KLHL1: variants seen among roughly 807,000 people sequenced by gnomAD.
The protein encoded by KLHL1 is kelch like family member 1.
In KLHL1, 47 loss-of-function variants were observed where a neutral mutation model predicts 77.7. That is an observed-to-expected ratio of 0.60 (90% confidence interval 0.48 to 0.77). KLHL1 has a LOEUF of 0.77. Ranked by LOEUF, KLHL1 falls within the 30% of genes least tolerant of loss-of-function variation. KLHL1 has a pLI of 0.00. For missense variants in KLHL1, 925 were observed against 910.8 expected (o/e 1.02, Z -0.20); for synonymous variants, 360 against 325.2 (o/e 1.11, Z -1.15).
chr13:69,717,113 T>C (rs535569804), intron 9 of KLHL1, among the ~76,000 whole-genome samples: 1 of 152,178 alleles, frequency 6.6e-6, no homozygotes, highest in African/African-American at 2.4e-5. Context: ...AAACATTATA[T>C]AACTGTATTT....
chr13:69,923,881 C>A (rs912513179), intron 4 of KLHL1, among the ~76,000 whole-genome samples: 1 of 152,176 alleles, frequency 6.6e-6, no homozygotes, highest in Non-Finnish European at 1.5e-5. Flanking sequence ...TGGGCCCAGG[C>A]ATCTCTGCAC....
In KLHL1 at chr13:70,030,166, T is replaced by C. The variant is rs1171375349; in HGVS notation, c.498-54364A>G. Among the ~76,000 whole-genome samples, 39 of 152,162 alleles carry C rather than the reference T, an allele frequency of 2.6e-4. No homozygotes were observed. In the East Asian group the frequency reaches 7.5e-3, roughly 29 times the overall value. On this transcript the variant is annotated intron_variant, in intron 1 of 10. Transcript: ENST00000377844. Reference sequence around the variant, plus strand: ...AATGGGAGACTTTAACACCCCACTGTCAACATTAGACAGATCAACGAGACA... The same window carrying C: ...AATGGGAGACTTTAACACCCCACTGCCAACATTAGACAGATCAACGAGACA...
intron 1 of KLHL1, among the ~76,000 whole-genome samples, chr13:70,030,729 G>T (rs1246738137): frequency 6.6e-6 from 1 of 152,046 alleles, no homozygotes; most frequent in Non-Finnish European, 1.5e-5. Flanking sequence ...CAGAAGGCAA[G>T]AAATAACTAA....
intron 1 of KLHL1, among the ~76,000 whole-genome samples, chr13:69,999,125 T>C (rs1885226192): frequency 6.6e-6 from 1 of 152,090 alleles, no homozygotes; most frequent in Admixed American, 6.6e-5. Context: ...TAATGTAACA[T>C]ATGTATTATG....
At chr13:70,102,375 T>C (rs749460810) in intron 1 of KLHL1, among the ~76,000 whole-genome samples, 18 of 152,212 alleles carry the variant, frequency 1.2e-4, no homozygotes, top group Admixed American at 2.0e-4. Flanking sequence ...CTGAATGAAC[T>C]ATAATTTAGA....
At chr13:69,752,305 C>A (rs569881307) in intron 7 of KLHL1, among the ~76,000 whole-genome samples, 1 of 152,152 alleles carries the variant, frequency 6.6e-6, no homozygotes, top group South Asian at 2.1e-4. Context: ...ACCCCGTTGC[C>A]TCTATTTCTG....
chr13:70,004,236 G>T (rs1885357302), intron 1 of KLHL1, among the ~76,000 whole-genome samples: 1 of 151,824 alleles, frequency 6.6e-6, no homozygotes, highest in African/African-American at 2.4e-5. Flanking sequence ...GGATGGGGAA[G>T]CTACCAACTA....
At chr13:69,837,656 A>ATATG (rs36068601) in intron 6 of KLHL1, among the ~76,000 whole-genome samples, 15,068 of 136,854 alleles carry the variant, frequency 0.11, 1,265 homozygotes, top group Non-Finnish European at 0.13. Flanking sequence ...GTATATATAT[A>ATATG]TGTGTGTGTG....
Position 70,053,170 on chromosome 13 carries a change from A to G in KLHL1, c.497+54033T>C, listed in dbSNP as rs560276070. On this transcript the variant is annotated intron_variant, in intron 1 of 10. Coordinates refer to ENST00000377844, the MANE Select transcript of KLHL1 (RefSeq NM_020866.3). ...AGAAACATACAGAATTTCAAAAAATAAGATATAGGGTCAAGAAAACACAAA... is the reference window on the plus strand; with the variant it reads ...AGAAACATACAGAATTTCAAAAAATGAGATATAGGGTCAAGAAAACACAAA... Among the ~76,000 whole-genome samples, 35 of 152,196 alleles carry G rather than the reference A, an allele frequency of 2.3e-4. 1 individual carries two copies. The South Asian group carries it at 4.8e-3, about 21-fold the overall frequency.
chr13:69,901,795 C>CTTTTTTTTTTTTTT (rs1205221353), intron 4 of KLHL1, among the ~76,000 whole-genome samples: 6 of 40,794 alleles, frequency 1.5e-4, no homozygotes, highest in African/African-American at 5.8e-4. Flanking sequence ...TTCTTTTTTT[C>CTTTTTTTTTTTTTT]TTTTTTTTTT....
At chr13:69,871,946 C>T (rs1327077000) in intron 5 of KLHL1, among the ~76,000 whole-genome samples, 2 of 152,044 alleles carry the variant, frequency 1.3e-5, no homozygotes, top group African/African-American at 2.4e-5. Context: ...AATCTTTGCC[C>T]GTTACCCAGT....
intron 4 of KLHL1, among the ~76,000 whole-genome samples, chr13:69,910,686 T>A (rs1050483383): frequency 6.6e-6 from 1 of 152,026 alleles, no homozygotes; most frequent in Admixed American, 6.6e-5. Flanking sequence ...ACTCAAATAC[T>A]GGAAAACCAA....
chr13:69,748,412 T>A (rs9317840), intron 7 of KLHL1, among the ~76,000 whole-genome samples: 62,627 of 151,792 alleles, frequency 0.41, 13,103 homozygotes, highest in African/African-American at 0.46. Context: ...ATTAGGAAAA[T>A]GCAAAAGCGG....
At chr13:69,742,488 A>G (rs1449427846) in intron 7 of KLHL1, among the ~76,000 whole-genome samples, 1 of 152,194 alleles carries the variant, frequency 6.6e-6, no homozygotes, top group African/African-American at 2.4e-5. Flanking sequence ...ACTATTATTC[A>G]TTGAATGACC....
chr13:69,740,333 A>G (rs1873933181), intron 8 of KLHL1, 61 bp downstream of exon 8: 1 of 1,150,094 alleles, frequency 8.7e-7, no homozygotes, highest in African/African-American at 1.6e-5. Context: ...TTATTTTTCA[A>G]ATAATATTTA....
At chr13:70,023,018 G>C (rs1231162481) in intron 1 of KLHL1, among the ~76,000 whole-genome samples, 1 of 151,854 alleles carries the variant, frequency 6.6e-6, no homozygotes, top group Non-Finnish European at 1.5e-5. Flanking sequence ...TCCTCTTAAA[G>C]CGTTCCTCTG....
chr13:70,070,831 G>C (rs926577018), intron 1 of KLHL1, among the ~76,000 whole-genome samples: 1 of 152,084 alleles, frequency 6.6e-6, no homozygotes, highest in African/African-American at 2.4e-5. Context: ...CTGTGAAGCA[G>C]TAGAGTGTTA....
chr13:69,945,623 C>CATCATGTTTATACATTAT (rs1356146212), intron 3 of KLHL1, among the ~76,000 whole-genome samples: 1 of 152,072 alleles, frequency 6.6e-6, no homozygotes, highest in African/African-American at 2.4e-5. Context: ...ATGATTTATA[C>CATCATGTTTATACATTAT]AGACATCCCA....
intron 4 of KLHL1, among the ~76,000 whole-genome samples, chr13:69,907,670 G>A (rs897914109): frequency 3.3e-5 from 5 of 151,930 alleles, no homozygotes; most frequent in Non-Finnish European, 1.5e-5. Context: ...GAAACATGCT[G>A]ATTGAACATA....
Sources: gnomAD v4.1 joint callset for allele counts (sites outside exome capture counted in the v4.1 genomes callset) on GRCh38, gnomAD v4.1.1 for gene constraint, MANE v1.5 for transcripts, NCBI Gene and HGNC (gene_info 2026-07-23, HGNC 2026-07-21) for gene names.